Variants in STXBP5L observed in about 807,000 individuals in gnomAD.
STXBP5L encodes syntaxin-binding protein 5-like.
In STXBP5L, 65 loss-of-function variants were observed where a neutral mutation model predicts 144.5. The observed-to-expected ratio is 0.45, with a 90% confidence interval of 0.37 to 0.55. The LOEUF (loss-of-function observed/expected upper bound fraction) is 0.55, where lower values mean the gene tolerates loss of function less well. Among genes scored for constraint, STXBP5L ranks in the 20% least tolerant of loss-of-function variants. STXBP5L has a pLI of 0.00. For synonymous variants in STXBP5L, 505 were observed against 469.6 expected, an observed-to-expected ratio of 1.08 and a Z score of -0.97; for missense variants, 1,298 against 1,405.5, an observed-to-expected ratio of 0.92 and a Z score of 1.22.
rs903156585 is a variant in STXBP5L at position 121,039,937 on chromosome 3, T to C, written c.288-1763T>C. 5.3e-5 allele frequency among the ~76,000 whole-genome samples: 8 copies of C among 151,038 alleles called. No homozygotes were observed. In the East Asian group the frequency reaches 1.4e-3, roughly 26 times the overall value. On this transcript the variant is annotated intron_variant, in intron 3 of 26. Coordinates refer to ENST00000471454, the MANE Select transcript of STXBP5L (RefSeq NM_001308330.2). ...ATTTTTTTAAAAAAATCTCTAGATA[T>C]TCTATTTGAGATAGATAGGTAGATA...
At chr3:120,991,472 C>T (rs1469965114) in intron 3 of STXBP5L, among the ~76,000 whole-genome samples, 1 of 128,454 alleles carries the variant, frequency 7.8e-6, no homozygotes, top group Non-Finnish European at 1.7e-5. Flanking sequence ...CCAGCCATCC[C>T]ATTACTGGGT....
At chr3:121,207,676 A>G (rs1349082530) in intron 10 of STXBP5L, among the ~76,000 whole-genome samples, 2 of 152,234 alleles carry the variant, frequency 1.3e-5, no homozygotes, top group African/African-American at 2.4e-5. Flanking sequence ...GGTGAAGGAC[A>G]TGAACAGACA....
At chr3:121,185,683 C>G (rs975080946) in intron 9 of STXBP5L, among the ~76,000 whole-genome samples, 1 of 152,152 alleles carries the variant, frequency 6.6e-6, no homozygotes, top group African/African-American at 2.4e-5. Flanking sequence ...CAGTGCCATA[C>G]TGTTTTGGTT....
chr3:120,981,834 A>T (rs779563224), intron 3 of STXBP5L, among the ~76,000 whole-genome samples: 12 of 152,076 alleles, frequency 7.9e-5, no homozygotes, highest in Non-Finnish European at 1.8e-4. Context: ...TTTTGTTTTG[A>T]TGGGACATTG....
At chr3:121,151,928 AATC>A (rs1292760157) in intron 7 of STXBP5L, among the ~76,000 whole-genome samples, 11 of 150,798 alleles carry the variant, frequency 7.3e-5, no homozygotes, top group Non-Finnish European at 1.3e-4. Flanking sequence ...ATATTTTATT[AATC>A]ATCTTATTTA....
At chr3:121,313,174 C>CCGGACGGGGCG (rs1246913044) in intron 19 of STXBP5L, among the ~76,000 whole-genome samples, 14 of 138,892 alleles carry the variant, frequency 1.0e-4, no homozygotes, top group Admixed American at 3.6e-4. Flanking sequence ...CGGGCAGAGG[C>CCGGACGGGGCG]GCCCCTCACC....
chr3:120,984,304 C>A (rs189826676), intron 3 of STXBP5L, among the ~76,000 whole-genome samples: 2 of 152,238 alleles, frequency 1.3e-5, no homozygotes, highest in East Asian at 1.9e-4. Flanking sequence ...ATTTTATGGA[C>A]GCAGATATTT....
intron 19 of STXBP5L, among the ~76,000 whole-genome samples, chr3:121,306,745 G>A (rs527457217): frequency 3.9e-5 from 6 of 152,248 alleles, no homozygotes; most frequent in South Asian, 2.1e-4. Flanking sequence ...ACCAATGAAC[G>A]AGACTGCTAA....
At chr3:121,105,030 C>A (rs2043625006) in intron 5 of STXBP5L, among the ~76,000 whole-genome samples, 2 of 151,956 alleles carry the variant, frequency 1.3e-5, no homozygotes, top group Admixed American at 1.3e-4. Flanking sequence ...TCAAACAAAT[C>A]AGCAAGAAAA....
intron 3 of STXBP5L, among the ~76,000 whole-genome samples, chr3:121,008,755 G>A (rs542902374): frequency 1.1e-4 from 16 of 151,890 alleles, no homozygotes; most frequent in African/African-American, 3.9e-4. Context: ...ATTGTCAACT[G>A]GGTCCTTTGG....
Position 121,171,381 on chromosome 3 carries a change from A to C in STXBP5L, c.877+13754A>C, listed in dbSNP as rs942663499. ...GGGCAATCAGGCAAGAGAAAGAAAT[A>C]AAGGGTATTCAAATAGGAAGAGAGG... On this transcript the variant is annotated intron_variant, in intron 9 of 26. Transcript: ENST00000471454. Among the ~76,000 whole-genome samples the C allele has an allele frequency of 6.6e-5, 10 of 152,306 alleles. 1 individual carries two copies. Among genetic ancestry groups the C allele is most frequent in the South Asian group, 4.1e-4 (2 of 4,826 alleles).
chr3:121,168,255 A>G (rs2046573013), intron 9 of STXBP5L, among the ~76,000 whole-genome samples: 2 of 152,208 alleles, frequency 1.3e-5, no homozygotes, highest in Admixed American at 1.3e-4. Flanking sequence ...TGAAAATTCC[A>G]AAAACCAGGA....
rs1427432913 is a variant in STXBP5L, at chr3:121,423,700, A to G, written c.*4603A>G. On this transcript the variant is annotated 3_prime_UTR_variant, in exon 27 of 27. Transcript: ENST00000471454. ...TTGCGAAAGCCTCCAAGGCGGTTCT[A>G]ATGTCCAGCCAAAGTTGATTATCAC... is the stretch of plus-strand genomic sequence containing the variant. 6.6e-6 allele frequency: 1 copy of G among 152,240 alleles called. No individual in the cohort carries two copies. The highest frequency in any genetic ancestry group is 6.5e-5 in the Admixed American group (1 of 15,288). The allele number at this position is 152,240 out of a possible 1,614,324, so 9.4% of individuals were successfully genotyped here.
rs1019363436 is a variant in STXBP5L, at chr3:121,308,462, A to C, written c.2111-10013A>C. Reference sequence around the variant, plus strand: ...TTTAAATCTACACAAAGGAACAAAGAGCATGTTAAGGTAACTATGTAATTA... The same window carrying C: ...TTTAAATCTACACAAAGGAACAAAGCGCATGTTAAGGTAACTATGTAATTA... On this transcript the variant is annotated intron_variant, in intron 19 of 26. Coordinates refer to ENST00000471454, the MANE Select transcript of STXBP5L (RefSeq NM_001308330.2). Among the ~76,000 whole-genome samples the C allele has an allele frequency of 4.5e-5, 3 of 66,070 alleles. No homozygotes were observed. In the East Asian group the frequency reaches 4.5e-3, roughly 99 times the overall value. 43.3% of individuals were successfully genotyped at this position (66,070 alleles called of 152,430 possible).
chr3:121,412,061 G>C (rs1002054429), intron 23 of STXBP5L, among the ~76,000 whole-genome samples: 1 of 143,658 alleles, frequency 7.0e-6, no homozygotes, highest in Non-Finnish European at 1.5e-5. Flanking sequence ...GATTTTATAT[G>C]AAAGTCTAGT....
Position 121,157,636 on chromosome 3 carries a change from T to C in STXBP5L, c.877+9T>C, listed in dbSNP as rs753070360. 11 of 1,595,120 alleles carry C rather than the reference T, an allele frequency of 6.9e-6. No individual in the cohort carries two copies. In the South Asian group the frequency reaches 1.1e-4, roughly 17 times the overall value. On this transcript the variant is annotated intron_variant, in intron 9 of 26. Coordinates refer to ENST00000471454, the MANE Select transcript of STXBP5L (RefSeq NM_001308330.2). ...GACCACAATTCCACATGGTAAGATG[T>C]ATGCTTTCAAAAGGAATAAACACTG...
chr3:120,977,859 G>A (rs1392705073), intron 3 of STXBP5L, among the ~76,000 whole-genome samples: 1 of 152,208 alleles, frequency 6.6e-6, no homozygotes, highest in Non-Finnish European at 1.5e-5. Flanking sequence ...CTTTAAGAAT[G>A]TTGAATATTG....
At chr3:121,200,568 GT>G (rs776538107) in intron 9 of STXBP5L, among the ~76,000 whole-genome samples, 1 of 152,046 alleles carries the variant, frequency 6.6e-6, no homozygotes, top group Non-Finnish European at 1.5e-5. Context: ...TCATTGTGAT[GT>G]TAGTGTGTTG....
chr3:121,308,394 C>T (rs765906342), intron 19 of STXBP5L, among the ~76,000 whole-genome samples: 21 of 152,146 alleles, frequency 1.4e-4, no homozygotes, highest in South Asian at 2.1e-4. Context: ...AGAAATACTA[C>T]GGGAAGTTTT....
Sources: allele counts gnomAD v4.1 joint callset (sites outside exome capture counted in the v4.1 genomes callset), GRCh38; gene constraint gnomAD v4.1.1; transcripts MANE v1.5; gene names NCBI Gene and HGNC (gene_info 2026-07-23, HGNC 2026-07-21).